The following NAV2 variants were observed in gnomAD, a reference collection of about 807,000 sequenced individuals.
The protein encoded by NAV2 is neuron navigator 2.
NAV2 carries 54 observed loss-of-function variants against 223.2 expected under a neutral mutation model. The ratio of observed to expected loss-of-function variants is 0.24; its 90% CI spans 0.19 to 0.30. The LOEUF is 0.30. NAV2 is among the 10% of genes least tolerant of loss of function. The pLI, the probability that NAV2 is intolerant of heterozygous loss-of-function variation, is 1.00. For missense variants in NAV2, 2,806 were observed against 3,147.5 expected, an observed-to-expected ratio of 0.89 and a Z score of 2.60; for synonymous variants, 1,279 against 1,239.3, an observed-to-expected ratio of 1.03 and a Z score of -0.67.
At chr11:19,495,523 G>A (rs1257071645) in intron 1 of NAV2, among the ~76,000 whole-genome samples, 2 of 152,144 alleles carry the variant, frequency 1.3e-5, no homozygotes, top group Non-Finnish European at 2.9e-5. Context: ...ACACCTCTAG[G>A]TTGCAGAACT....
chr11:20,079,516 G>A (rs929683488), intron 24 of NAV2, among the ~76,000 whole-genome samples: 2 of 152,138 alleles, frequency 1.3e-5, no homozygotes, highest in East Asian at 1.9e-4. Flanking sequence ...TTTCAATATC[G>A]GTGTTGTTTA....
intron 22 of NAV2, among the ~76,000 whole-genome samples, chr11:20,071,665 T>C (rs977312435): frequency 8.8e-5 from 13 of 147,942 alleles, no homozygotes; most frequent in African/African-American, 2.5e-4. Flanking sequence ...CTAACTGACA[T>C]GAGATGGTAT....
intron 10 of NAV2, among the ~76,000 whole-genome samples, chr11:19,955,391 G>GA (rs66466771): frequency 0.9 from 134,747 of 150,196 alleles, 60,525 homozygotes; most frequent in East Asian, 0.98. Flanking sequence ...CCTTGTCTGA[G>GA]AAAAAAAAAA....
chr11:20,022,657 G>A lies in NAV2; in HGVS notation c.2769-13302G>A, dbSNP rs966139630. On this transcript the variant is annotated intron_variant, in intron 11 of 37. Coordinates refer to ENST00000349880, the MANE Select transcript of NAV2 (RefSeq NM_145117.5). ...ATCATTAAAAGTAGCACTTAGGGCT[G>A]GAAAGACTTTCTGCAATGTTTCTGT... 15 of 992,542 alleles carry A rather than the reference G, an allele frequency of 1.5e-5. No individual in the cohort carries two copies. The African/African-American group carries it at 2.4e-4, about 16-fold the overall frequency. 61.5% of individuals were successfully genotyped at this position (992,542 alleles called of 1,614,324 possible).
At chr11:19,987,748 A>T (rs575287377) in intron 11 of NAV2, among the ~76,000 whole-genome samples, 1 of 152,306 alleles carries the variant, frequency 6.6e-6, no homozygotes, top group African/African-American at 2.4e-5. Flanking sequence ...TGTGCCCTTG[A>T]TCTCTTGTCA....
intron 22 of NAV2, among the ~76,000 whole-genome samples, chr11:20,073,587 C>G (rs900812124): frequency 6.6e-6 from 1 of 152,086 alleles, no homozygotes; most frequent in African/African-American, 2.4e-5. Context: ...GGTTGGTAGG[C>G]TATTAATTGC....
intron 1 of NAV2, among the ~76,000 whole-genome samples, chr11:19,369,576 T>C (rs2133847854): frequency 6.6e-6 from 1 of 152,304 alleles, no homozygotes; most frequent in South Asian, 2.1e-4. Flanking sequence ...TTTTGTGACT[T>C]CCTCAGAGAT....
Position 19,900,632 on chromosome 11 carries a change from T to A in NAV2, c.931+8038T>A, listed in dbSNP as rs375912021. ...CCCAAGGGAGTATGTAACAGCCCCA[T>A]AAGTATAAATTCTAGGGTTCCCACA... is the stretch of plus-strand genomic sequence containing the variant. On this transcript the variant is annotated intron_variant, in intron 6 of 37. Coordinates refer to ENST00000349880, the MANE Select transcript of NAV2 (RefSeq NM_145117.5). Among the ~76,000 whole-genome samples, 5 of 152,184 alleles carry A rather than the reference T, an allele frequency of 3.3e-5. No individual in the cohort carries two copies. In the East Asian group the frequency reaches 7.7e-4, roughly 24 times the overall value.
At chr11:20,022,468 A>G (rs935272664) in intron 11 of NAV2, 2 of 854,344 alleles carry the variant, frequency 2.3e-6, no homozygotes, top group Non-Finnish European at 2.8e-6. Flanking sequence ...CAAAATTGAC[A>G]TCACCGGAAA....
chr11:19,674,919 A>T (rs1565157468), intron 1 of NAV2, among the ~76,000 whole-genome samples: 2 of 152,238 alleles, frequency 1.3e-5, no homozygotes, highest in Non-Finnish European at 2.9e-5. Flanking sequence ...ATGGGGAAAT[A>T]GTTGCACCAC....
intron 22 of NAV2, among the ~76,000 whole-genome samples, chr11:20,075,468 C>T (rs1374682464): frequency 6.6e-6 from 1 of 152,062 alleles, no homozygotes; most frequent in Non-Finnish European, 1.5e-5. Context: ...GTCTCGATCT[C>T]CTGACCTCAG....
exon 1 of NAV2, chr11:19,350,903 G>C (rs1853269673): frequency 2.0e-6 from 3 of 1,534,324 alleles, no homozygotes; most frequent in Non-Finnish European, 2.7e-6. Flanking sequence ...TTGTTCCTCT[G>C]TGGATTTGGA....
At chr11:20,091,666 G>C (rs1375589792) in intron 27 of NAV2, among the ~76,000 whole-genome samples, 1 of 152,144 alleles carries the variant, frequency 6.6e-6, no homozygotes, top group Admixed American at 6.5e-5. Context: ...GGTTCTTCAT[G>C]AATATTCGTA....
intron 10 of NAV2, among the ~76,000 whole-genome samples, chr11:19,974,664 A>T (rs578196835): frequency 1.1e-4 from 16 of 152,324 alleles, no homozygotes; most frequent in African/African-American, 3.8e-4. Context: ...CTGTAGTCCC[A>T]GCTGCTCAGG....
chr11:19,930,067 C>T (rs533346858), intron 6 of NAV2, among the ~76,000 whole-genome samples: 6 of 152,180 alleles, frequency 3.9e-5, no homozygotes, highest in East Asian at 1.9e-4. Context: ...TTCTAGGGGG[C>T]GGGAGCTTTA....
intron 1 of NAV2, among the ~76,000 whole-genome samples, chr11:19,753,426 G>A (rs1023899550): frequency 2.6e-5 from 4 of 152,040 alleles, no homozygotes; most frequent in African/African-American, 9.7e-5. Context: ...TGAATTGAAG[G>A]GTCATTATGC....
At chr11:19,860,607 CTCCT>C (rs2061704988) in intron 3 of NAV2, among the ~76,000 whole-genome samples, 1 of 151,630 alleles carries the variant, frequency 6.6e-6, no homozygotes, top group Admixed American at 6.6e-5. Context: ...GGCAGAGACG[CTCCT>C]CACTTCCCAG....
intron 1 of NAV2, among the ~76,000 whole-genome samples, chr11:19,779,881 G>T (rs2056600429): frequency 6.6e-6 from 1 of 152,190 alleles, no homozygotes; most frequent in African/African-American, 2.4e-5. Flanking sequence ...GCAGGAAGGA[G>T]CTCCCTGGGA....
At chr11:19,357,604 G>C (rs1369004435) in intron 1 of NAV2, among the ~76,000 whole-genome samples, 6 of 152,154 alleles carry the variant, frequency 3.9e-5, no homozygotes, top group Non-Finnish European at 7.3e-5. Flanking sequence ...GTAAAATGGG[G>C]ATGGGGGTGG....
Sources: gnomAD v4.1 joint callset for allele counts (sites outside exome capture counted in the v4.1 genomes callset) on GRCh38, gnomAD v4.1.1 for gene constraint, MANE v1.5 for transcripts, NCBI Gene and HGNC (gene_info 2026-07-23, HGNC 2026-07-21) for gene names.